The following CALN1 variants were observed in gnomAD, a reference collection of about 807,000 sequenced individuals.
CALN1 encodes calneuron 1.
Under a neutral mutation model 30.6 loss-of-function variants are expected in CALN1, and 17 were observed. The ratio of observed to expected loss-of-function variants is 0.56; its 90% CI spans 0.38 to 0.83. The LOEUF is 0.83. CALN1 is among the 40% of genes least tolerant of loss of function. The pLI, the probability that CALN1 is intolerant of heterozygous loss-of-function variation, is 0.00. For missense variants in CALN1, 291 were observed against 354.9 expected (o/e 0.82, Z 1.45); for synonymous variants, 156 against 131.4 (o/e 1.19, Z -1.28).
chr7:72,109,783 G>A (rs1298880309), intron 3 of CALN1, among the ~76,000 whole-genome samples: 9 of 152,206 alleles, frequency 5.9e-5, no homozygotes, highest in Non-Finnish European at 1.2e-4. Flanking sequence ...GCCTCCCGAC[G>A]TGAGAGTCAG....
At chr7:72,020,645 T>TCAA (rs1800650348) in intron 5 of CALN1, among the ~76,000 whole-genome samples, 1 of 152,166 alleles carries the variant, frequency 6.6e-6, no homozygotes, top group African/African-American at 2.4e-5. Context: ...TTTAAATATT[T>TCAA]CAAGATGGAA....
the CALN1 span, among the ~76,000 whole-genome samples, chr7:72,486,018 T>C: frequency 6.6e-6 from 1 of 152,208 alleles, no homozygotes; most frequent in African/African-American, 2.4e-5. Flanking sequence ...CATCGTTATA[T>C]GAACATCACA....
chr7:72,195,348 T>G (rs942318794), intron 3 of CALN1, among the ~76,000 whole-genome samples: 1 of 152,220 alleles, frequency 6.6e-6, no homozygotes, highest in South Asian at 2.1e-4. Flanking sequence ...TTCCCACAGC[T>G]GGAAAATAAG....
chr7:72,499,826 C>CTTCT, the CALN1 span, among the ~76,000 whole-genome samples: 209 of 53,240 alleles, frequency 3.9e-3, 2 homozygotes, highest in East Asian at 9.6e-3. Flanking sequence ...TCCTTCCTTC[C>CTTCT]TTCTTTCTTT....
intron 5 of CALN1, among the ~76,000 whole-genome samples, chr7:71,941,057 G>A (rs1166867957): frequency 3.3e-5 from 5 of 152,112 alleles, no homozygotes; most frequent in Middle Eastern, 3.4e-3. Flanking sequence ...TCAATATTAT[G>A]AATTTCTGGC....
intron 1 of CALN1, among the ~76,000 whole-genome samples, chr7:72,436,479 C>T (rs1195294531): frequency 1.3e-5 from 2 of 152,142 alleles, no homozygotes; most frequent in South Asian, 4.2e-4. Context: ...TACCCAGTCT[C>T]GGGTATGTCT....
At chr7:72,315,896 C>T (rs562503046) in intron 2 of CALN1, among the ~76,000 whole-genome samples, 35 of 152,190 alleles carry the variant, frequency 2.3e-4, no homozygotes, top group African/African-American at 8.4e-4. Flanking sequence ...CCTGTAATCC[C>T]AGCACTTTGG....
chr7:72,297,041 C>G (rs1798912236), intron 2 of CALN1, among the ~76,000 whole-genome samples: 1 of 151,928 alleles, frequency 6.6e-6, no homozygotes, highest in Non-Finnish European at 1.5e-5. Context: ...TTGGATCTTT[C>G]CTGCTTTCTC....
chr7:71,886,854 GT>G (rs574587469), intron 5 of CALN1, among the ~76,000 whole-genome samples: 108 of 152,152 alleles, frequency 7.1e-4, no homozygotes, highest in African/African-American at 2.5e-3. Flanking sequence ...CTGAGAAATG[GT>G]GTTCGCTGCT....
intron 6 of CALN1, among the ~76,000 whole-genome samples, chr7:71,790,334 G>GAAAGAAAGA (rs1793266738): frequency 1.6e-5 from 1 of 63,364 alleles, no homozygotes; most frequent in African/African-American, 6.7e-5. Context: ...AAGAAGGAAA[G>GAAAGAAAGA]AAAGAAAGAA....
At chr7:72,132,305 A>AT (rs1156816276) in intron 3 of CALN1, among the ~76,000 whole-genome samples, 1 of 152,170 alleles carries the variant, frequency 6.6e-6, no homozygotes, top group African/African-American at 2.4e-5. Flanking sequence ...CATAAGGCCA[A>AT]TTTTATAATA....
chr7:72,157,155 A>G (rs1204220228), intron 3 of CALN1, among the ~76,000 whole-genome samples: 2 of 152,210 alleles, frequency 1.3e-5, no homozygotes, highest in Non-Finnish European at 2.9e-5. Flanking sequence ...CATGGGAACT[A>G]CTGGTCAGAG....
At chr7:72,274,418 G>A (rs894685678) in intron 3 of CALN1, among the ~76,000 whole-genome samples, 50 of 150,988 alleles carry the variant, frequency 3.3e-4, no homozygotes, top group African/African-American at 1.2e-3. Context: ...TGAGGCAGGA[G>A]AATAGCTTGA....
At chr7:72,110,652 CTAACT>C (rs1014792985) in intron 3 of CALN1, among the ~76,000 whole-genome samples, 2 of 139,196 alleles carry the variant, frequency 1.4e-5, no homozygotes, top group African/African-American at 5.5e-5. Flanking sequence ...ACAAACCTCA[CTAACT>C]TTTTTTTTTT....
At chr7:71,828,648 C>T (rs1016337120) in intron 5 of CALN1, among the ~76,000 whole-genome samples, 5 of 149,176 alleles carry the variant, frequency 3.4e-5, no homozygotes, top group African/African-American at 1.2e-4. Context: ...AACCAATGAA[C>T]TTCTTACATA....
chr7:71,897,972 C>CAAAA (rs1207497270), intron 5 of CALN1, among the ~76,000 whole-genome samples: 19 of 59,040 alleles, frequency 3.2e-4, no homozygotes, highest in African/African-American at 7.3e-4. Flanking sequence ...AAACAAAAAA[C>CAAAA]AAAAAAAAAA....
intron 4 of CALN1, among the ~76,000 whole-genome samples, chr7:72,052,362 G>A (rs1192464357): frequency 6.6e-6 from 1 of 152,138 alleles, no homozygotes; most frequent in African/African-American, 2.4e-5. Flanking sequence ...AGGGAAGGTA[G>A]AGAGAAGATA....
At chr7:71,872,121 G>A (rs1284293840) in intron 5 of CALN1, among the ~76,000 whole-genome samples, 2 of 152,154 alleles carry the variant, frequency 1.3e-5, no homozygotes, top group African/African-American at 4.8e-5. Flanking sequence ...GACATAGTAG[G>A]TCTATCATTG....
chr7:71,796,170 T>A (rs1786907805), intron 6 of CALN1, among the ~76,000 whole-genome samples: 1 of 152,068 alleles, frequency 6.6e-6, no homozygotes, highest in South Asian at 2.1e-4. Context: ...TGTATGAATA[T>A]GTCATACTTT....
Sources: allele counts gnomAD v4.1 joint callset (sites outside exome capture counted in the v4.1 genomes callset), GRCh38; gene constraint gnomAD v4.1.1; transcripts MANE v1.5; gene names NCBI Gene and HGNC (gene_info 2026-07-23, HGNC 2026-07-21).